The following TRABD2B variants were observed in gnomAD, a reference collection of about 807,000 sequenced individuals.
The protein encoded by TRABD2B is metalloprotease TIKI2.
Under a neutral mutation model 40.1 loss-of-function variants are expected in TRABD2B, and 14 were observed. The ratio of observed to expected loss-of-function variants is 0.35; its 90% CI spans 0.23 to 0.55. TRABD2B has a LOEUF of 0.55. Ranked by LOEUF, TRABD2B falls within the 20% of genes least tolerant of loss-of-function variation. The pLI is 0.90. For missense variants in TRABD2B, 541 were observed against 648.6 expected, an observed-to-expected ratio of 0.83 and a Z score of 1.80; for synonymous variants, 263 against 277.0, an observed-to-expected ratio of 0.95 and a Z score of 0.50.
At chr1:47,838,855 A>T (rs1645354708) in intron 2 of TRABD2B, among the ~76,000 whole-genome samples, 1 of 152,194 alleles carries the variant, frequency 6.6e-6, no homozygotes, top group Non-Finnish European at 1.5e-5. Context: ...CAGTCCAATC[A>T]GAGGGTCAAG....
At chr1:47,953,526 A>C (rs1323194366) in intron 2 of TRABD2B, among the ~76,000 whole-genome samples, 1 of 152,148 alleles carries the variant, frequency 6.6e-6, no homozygotes, top group Non-Finnish European at 1.5e-5. Context: ...CTCAGACAAA[A>C]GGAAACCTCT....
chr1:47,875,150 G>A (rs577628110), intron 2 of TRABD2B, among the ~76,000 whole-genome samples: 1 of 152,024 alleles, frequency 6.6e-6, no homozygotes, highest in Non-Finnish European at 1.5e-5. Flanking sequence ...GGCAGGCTAA[G>A]CCTTAGGTGT....
chr1:47,949,583 T>C (rs1485851957), intron 2 of TRABD2B, among the ~76,000 whole-genome samples: 1 of 151,708 alleles, frequency 6.6e-6, no homozygotes, highest in Non-Finnish European at 1.5e-5. Context: ...AATATTTGTA[T>C]TTTTAGTAGA....
At chr1:47,840,337 G>A (rs1179639411) in intron 2 of TRABD2B, among the ~76,000 whole-genome samples, 1 of 152,192 alleles carries the variant, frequency 6.6e-6, no homozygotes, top group Non-Finnish European at 1.5e-5. Flanking sequence ...ATTTCCAGCA[G>A]TGGAGACTGA....
At chr1:47,807,557 C>T (rs997122136) in intron 2 of TRABD2B, among the ~76,000 whole-genome samples, 3 of 152,148 alleles carry the variant, frequency 2.0e-5, no homozygotes, top group Non-Finnish European at 2.9e-5. Flanking sequence ...GCTATGATAA[C>T]GTGACCAGTG....
chr1:47,845,034 T>A (rs1645449932), intron 2 of TRABD2B, among the ~76,000 whole-genome samples: 1 of 152,098 alleles, frequency 6.6e-6, no homozygotes, highest in Non-Finnish European at 1.5e-5. Flanking sequence ...AGGGTGAGGA[T>A]TCCATCCTGT....
chr1:47,904,560 G>T (rs1342935567), intron 2 of TRABD2B, among the ~76,000 whole-genome samples: 2 of 152,124 alleles, frequency 1.3e-5, no homozygotes, highest in Non-Finnish European at 2.9e-5. Flanking sequence ...AGGACAAGGG[G>T]TGCTTGCGAA....
chr1:47,843,243 C>T (rs1372798133), intron 2 of TRABD2B, among the ~76,000 whole-genome samples: 1 of 152,166 alleles, frequency 6.6e-6, no homozygotes, highest in South Asian at 2.1e-4. Flanking sequence ...ATGTTAAAGG[C>T]TCCCTCTGCC....
chr1:47,896,575 TG>T lies in TRABD2B; in HGVS notation c.667-94957del, dbSNP rs532378845. Among the ~76,000 whole-genome samples, 282 of 152,108 alleles carry T rather than the reference TG, an allele frequency of 1.9e-3. 1 individual carries two copies. Among genetic ancestry groups the T allele is most frequent in the Middle Eastern group, 6.8e-3 (2 of 294 alleles). The stretch of plus-strand genomic sequence containing the variant: ...CTTCCCAAAGATGTTGTAGCGAGAG[TG>T]GGCACAGAAGCCCAGTCTGTGCGTC... On this transcript the variant is annotated intron_variant, in intron 2 of 6. Transcript: ENST00000606738.
rs925288294 is a variant in TRABD2B, at chr1:47,813,401, G to T, written c.667-11782C>A. On this transcript the variant is annotated intron_variant, in intron 2 of 6. Transcript: ENST00000606738. The surrounding 1 kb of genome is among the most constrained non-coding windows in gnomAD (Gnocchi z 4.3). ...GAGTCTGGGAGTGCTCAATACTGAT[G>T]AGAGAAATTGTAACATGCCTCTCTG... Among the ~76,000 whole-genome samples, 6 of 152,192 alleles carry T rather than the reference G, an allele frequency of 3.9e-5. No homozygotes were observed. Among genetic ancestry groups the T allele is most frequent in the Admixed American group, 2.6e-4 (4 of 15,282 alleles).
intron 2 of TRABD2B, among the ~76,000 whole-genome samples, chr1:47,834,590 C>CAT (rs1463919656): frequency 2.6e-5 from 4 of 151,794 alleles, no homozygotes; most frequent in Admixed American, 2.0e-4. Context: ...CACACACACA[C>CAT]ACACACACAC....
At chr1:47,823,362 G>C (rs1052069942) in intron 2 of TRABD2B, among the ~76,000 whole-genome samples, 2 of 152,258 alleles carry the variant, frequency 1.3e-5, no homozygotes, top group Non-Finnish European at 2.9e-5. Context: ...TCACTGACTG[G>C]GGCTGGAGGC....
chr1:47,970,273 A>G (rs1181669539), intron 2 of TRABD2B, among the ~76,000 whole-genome samples: 1 of 151,982 alleles, frequency 6.6e-6, no homozygotes, highest in East Asian at 1.9e-4. Context: ...AAAACACAGT[A>G]GCTTTTCAAA....
At chr1:47,975,130 G>C (rs1180663502) in intron 2 of TRABD2B, among the ~76,000 whole-genome samples, 5 of 152,118 alleles carry the variant, frequency 3.3e-5, no homozygotes, top group African/African-American at 1.2e-4. Flanking sequence ...GGAAAACTGA[G>C]GAAATCTGAG....
intron 4 of TRABD2B, among the ~76,000 whole-genome samples, chr1:47,785,120 G>A (rs995267941): frequency 6.6e-6 from 1 of 152,186 alleles, no homozygotes; most frequent in Non-Finnish European, 1.5e-5. Context: ...GCCAACAGCA[G>A]TTCTGGGTTG....
intron 2 of TRABD2B, among the ~76,000 whole-genome samples, chr1:47,984,634 C>T (rs1645893868): frequency 6.6e-6 from 1 of 152,216 alleles, no homozygotes; most frequent in Non-Finnish European, 1.5e-5. Flanking sequence ...ATGCACAACT[C>T]GCGCCCCGTC....
At chr1:47,909,559 A>AAGGAGGAGGAGGAGGAGG (rs71056647) in intron 2 of TRABD2B, among the ~76,000 whole-genome samples, 2 of 117,416 alleles carry the variant, frequency 1.7e-5, no homozygotes, top group African/African-American at 6.7e-5. Flanking sequence ...AAGAAGGAAG[A>AAGGAGGAGGAGGAGGAGG]AGGAGGAGGA....
chr1:47,775,445 A>C lies in TRABD2B; in HGVS notation c.1080-6T>G. Reference sequence around the variant, plus strand: ...CTGGGCTCTGGGGGGCAGGGCTGGAAAGAGGTAATGGCACATGGGGCACAT... The same window carrying C: ...CTGGGCTCTGGGGGGCAGGGCTGGACAGAGGTAATGGCACATGGGGCACAT... On this transcript the variant is annotated splice_polypyrimidine_tract_variant and splice_region_variant and intron_variant, in intron 5 of 6. Coordinates refer to ENST00000606738, the MANE Select transcript of TRABD2B (RefSeq NM_001194986.2). 8.1e-7 allele frequency: 1 copy of C among 1,234,800 alleles called. No homozygotes were observed. The highest frequency in any genetic ancestry group is 1.0e-6 in the Non-Finnish European group (1 of 988,498). 76.5% of individuals were successfully genotyped at this position (1,234,800 alleles called of 1,614,324 possible).
intron 2 of TRABD2B, among the ~76,000 whole-genome samples, chr1:47,930,259 A>T (rs1475160216): frequency 1.3e-5 from 2 of 152,240 alleles, no homozygotes; most frequent in African/African-American, 4.8e-5. Context: ...CAGGTGATTT[A>T]TGAGGGAAAT....
Sources: allele counts gnomAD v4.1 joint callset (sites outside exome capture counted in the v4.1 genomes callset), GRCh38; gene constraint gnomAD v4.1.1; non-coding constraint Gnocchi (gnomAD v3.1); transcripts MANE v1.5; gene names NCBI Gene and HGNC (gene_info 2026-07-23, HGNC 2026-07-21).